Variants in ARHGEF11 observed in about 807,000 individuals in gnomAD.
ARHGEF11 encodes the protein Rho guanine exchange factor (GEF) 11.
Under a neutral mutation model 193.7 loss-of-function variants are expected in ARHGEF11, and 55 were observed. The ratio of observed to expected loss-of-function variants is 0.28; its 90% CI spans 0.23 to 0.36. The LOEUF is 0.36. Among genes scored for constraint, ARHGEF11 ranks in the 10% least tolerant of loss-of-function variants. ARHGEF11 has a pLI of 1.00. For synonymous variants in ARHGEF11, 693 were observed against 768.0 expected, an observed-to-expected ratio of 0.90 and a Z score of 1.62; for missense variants, 1,723 against 2,005.6, an observed-to-expected ratio of 0.86 and a Z score of 2.69.
intron 1 of ARHGEF11, among the ~76,000 whole-genome samples, chr1:156,996,344 A>G (rs1040103682): frequency 8.5e-5 from 13 of 152,140 alleles, no homozygotes; most frequent in Admixed American, 2.0e-4. Flanking sequence ...ATCAGAGAGG[A>G]GGTGGACTTT....
intron 1 of ARHGEF11, among the ~76,000 whole-genome samples, chr1:157,001,173 G>A (rs896219498): frequency 6.6e-6 from 1 of 152,026 alleles, no homozygotes; most frequent in Non-Finnish European, 1.5e-5. Flanking sequence ...AGAAACTCAC[G>A]TATTCTACCG....
At chr1:156,951,941 G>C (rs1272091182) in intron 21 of ARHGEF11, among the ~76,000 whole-genome samples, 2 of 151,918 alleles carry the variant, frequency 1.3e-5, no homozygotes, top group Admixed American at 1.3e-4. Context: ...GAGAGGGTTT[G>C]GAAGTATATT....
At position 156,970,818 on chromosome 1, in the gene ARHGEF11, A is replaced by G. The variant is rs182221960; in HGVS notation, c.703-775T>C. On this transcript the variant is annotated intron_variant, in intron 8 of 40. Coordinates refer to ENST00000368194, the MANE Select transcript of ARHGEF11 (RefSeq NM_198236.3). The stretch of plus-strand genomic sequence containing the variant: ...AATGAGGAAGTTAAGGCTCCTATGG[A>G]TTAATTAACTTGCCCAAGAGTCTTT... Among the ~76,000 whole-genome samples, 9 of 152,320 alleles carry G rather than the reference A, an allele frequency of 5.9e-5. No individual in the cohort carries two copies. The East Asian group carries it at 9.6e-4, about 16-fold the overall frequency.
chr1:156,947,192 C>G, intron 26 of ARHGEF11, 112 bp downstream of exon 26: 1 of 1,502,934 alleles, frequency 6.7e-7, no homozygotes, highest in Non-Finnish European at 9.0e-7. Flanking sequence ...TTTTTCTCAC[C>G]AGGGATTGGT....
intron 1 of ARHGEF11, among the ~76,000 whole-genome samples, chr1:156,996,859 A>ATTTTTTT (rs60592654): frequency 1.1e-5 from 1 of 93,854 alleles, no homozygotes; most frequent in African/African-American, 4.1e-5. Context: ...CTCTCTCTCT[A>ATTTTTTT]TTTTTTTTTT....
At chr1:156,956,168 G>A (rs996792714) in intron 19 of ARHGEF11, among the ~76,000 whole-genome samples, 1 of 152,078 alleles carries the variant, frequency 6.6e-6, no homozygotes, top group Admixed American at 6.5e-5. Context: ...CCAGGCTGGA[G>A]TGCAGTGGTA....
At chr1:156,963,476 T>G in intron 12 of ARHGEF11, 44 bp downstream of exon 12, 1 of 1,596,848 alleles carries the variant, frequency 6.3e-7, no homozygotes, top group East Asian at 2.2e-5. Context: ...GCAGCTTGTA[T>G]GACAAAAAAA....
intron 1 of ARHGEF11, among the ~76,000 whole-genome samples, chr1:157,029,830 TTA>T (rs1468034541): frequency 1.3e-5 from 2 of 152,300 alleles, no homozygotes; most frequent in East Asian, 3.9e-4. Context: ...AATGAAGTAC[TTA>T]TACACACTAA....
chr1:156,965,736 T>C (rs891342478), intron 11 of ARHGEF11, among the ~76,000 whole-genome samples: 10 of 152,242 alleles, frequency 6.6e-5, no homozygotes, highest in Non-Finnish European at 1.5e-4. Context: ...TATTCTTCTT[T>C]TGCACAGTAG....
intron 1 of ARHGEF11, among the ~76,000 whole-genome samples, chr1:157,029,330 C>T (rs527541398): frequency 2.6e-5 from 4 of 151,880 alleles, no homozygotes; most frequent in Non-Finnish European, 4.4e-5. Context: ...AGTACAATGG[C>T]GCAATCTCAG....
chr1:157,035,222 A>G (rs953566720), intron 1 of ARHGEF11, among the ~76,000 whole-genome samples: 1 of 151,980 alleles, frequency 6.6e-6, no homozygotes. Context: ...TTTGTTCACT[A>G]TGGTCCCACA....
chr1:156,937,255 C>G lies in ARHGEF11; in HGVS notation c.4434G>C (p.Arg1478Ser). ...TIEQLTLKLN[R>S]LKDMELAHRE... ...CAAGCCCTGCTTCCCTCACCTTGAG[C>G]CTGTTGAGCTTGAGAGTGAGCTGCT... Residue 1478 changes from arginine to serine, a missense_variant, in exon 39 of 41, where the codon AGG (arginine) becomes AGC (serine). By Grantham distance (110) the Arg-to-Ser change is moderately radical. Around this residue, in one of 5 missense-constraint regions of ARHGEF11, gnomAD observed 360 missense variants for 344.4 expected, o/e 1.05. Transcript: ENST00000368194. 6.2e-7 allele frequency: 1 copy of G among 1,613,820 alleles called. No homozygotes were observed. The highest frequency in any genetic ancestry group is 8.5e-7 in the Non-Finnish European group (1 of 1,179,908).
chr1:156,948,083 A>T lies in ARHGEF11; in HGVS notation c.2153+98T>A. On this transcript the variant is annotated intron_variant, in intron 24 of 40. Transcript: ENST00000368194. The surrounding 1 kb of genome is among the most constrained non-coding windows in gnomAD (Gnocchi z 4.2). ...GAAACCAGTGGGCCCAGAAGAGGAGACAGCCACCCAACCAGCCCCTTGCAG... is the reference window on the plus strand; with the variant it reads ...GAAACCAGTGGGCCCAGAAGAGGAGTCAGCCACCCAACCAGCCCCTTGCAG... 6.5e-7 allele frequency: 1 copy of T among 1,536,146 alleles called. No individual in the cohort carries two copies. Among genetic ancestry groups the T allele is most frequent in the Non-Finnish European group, 8.8e-7 (1 of 1,135,730 alleles).
At chr1:156,937,190 G>C (rs1406419864) in intron 39 of ARHGEF11, 59 bp downstream of exon 39, 16 of 1,607,712 alleles carry the variant, frequency 1.0e-5, no homozygotes, top group Non-Finnish European at 1.4e-5. Flanking sequence ...CACTCATGGG[G>C]AATGGTTTTG....
intron 13 of ARHGEF11, 128 bp from the exon 14 acceptor site, chr1:156,961,903 C>T: frequency 1.4e-6 from 1 of 740,178 alleles, no homozygotes; most frequent in Non-Finnish European, 2.3e-6. Flanking sequence ...TGCGGTGCTA[C>T]TGGCATCTAG....
chr1:157,022,953 C>G (rs556349261), intron 1 of ARHGEF11, among the ~76,000 whole-genome samples: 2 of 152,218 alleles, frequency 1.3e-5, no homozygotes, highest in African/African-American at 4.8e-5. Flanking sequence ...AATCCATAAG[C>G]AAAAGTACGA....
intron 34 of ARHGEF11, 93 bp from the exon 35 acceptor site, chr1:156,941,526 A>T: frequency 1.4e-6 from 2 of 1,395,150 alleles, no homozygotes; most frequent in Non-Finnish European, 2.0e-6. Context: ...TCCGAGAAGG[A>T]CGGTGTGGGC....
intron 17 of ARHGEF11, 94 bp downstream of exon 17, chr1:156,958,648 G>A: frequency 6.4e-7 from 1 of 1,551,016 alleles, no homozygotes; most frequent in Non-Finnish European, 8.8e-7. Context: ...CAGGCAAGAA[G>A]TGGAAGAGGG....
intron 2 of ARHGEF11, 195 bp downstream of exon 2, chr1:156,985,887 C>G: frequency 3.9e-6 from 2 of 510,952 alleles, no homozygotes; most frequent in Non-Finnish European, 7.1e-6. Context: ...CCTTCGGCAA[C>G]CTGGTAGTTC....
Sources: allele counts gnomAD v4.1 joint callset (sites outside exome capture counted in the v4.1 genomes callset), GRCh38; gene constraint gnomAD v4.1.1; regional missense constraint gnomAD v4.1.1; non-coding constraint Gnocchi (gnomAD v3.1); transcripts MANE v1.5; gene names NCBI Gene and HGNC (gene_info 2026-07-23, HGNC 2026-07-21).